GRIP1: variants seen among roughly 807,000 people sequenced by gnomAD.
GRIP1 encodes the protein glutamate receptor-interacting protein 1.
In GRIP1, 45 loss-of-function variants were observed where a neutral mutation model predicts 129.9. The observed-to-expected ratio is 0.35, with a 90% CI of 0.27 to 0.44. The LOEUF is 0.44. GRIP1 is among the 20% of genes least tolerant of loss of function. GRIP1 has a pLI of 1.00. For missense variants in GRIP1, 1,196 were observed against 1,396.8 expected (o/e 0.86, Z 2.29); for synonymous variants, 530 against 520.8 (o/e 1.02, Z -0.24).
rs1592481489 is a variant in GRIP1 at position 67,024,178 on chromosome 12, C to G, written c.58+44872G>C. Reference sequence around the variant, plus strand: ...ATGTTTTCCTTCCATCACTCATCACCCTCTTTTTCTTTACTTTCTATGACT... The same window carrying G: ...ATGTTTTCCTTCCATCACTCATCACGCTCTTTTTCTTTACTTTCTATGACT... On this transcript the variant is annotated intron_variant, in intron 1 of 1. Coordinates refer to the GRIP1 transcript ENST00000643019. Among the ~76,000 whole-genome samples, 3 of 152,114 alleles carry G rather than the reference C, an allele frequency of 2.0e-5. No individual in the cohort carries two copies. The East Asian group carries it at 5.8e-4, about 29-fold the overall frequency.
intron 1 of GRIP1, among the ~76,000 whole-genome samples, chr12:66,788,249 T>G (rs2038421004): frequency 6.6e-6 from 1 of 152,120 alleles, no homozygotes; most frequent in Admixed American, 6.6e-5. Context: ...CTTTTTTTTT[T>G]TTTTAAGCTA....
chr12:66,548,151 T>C (rs1246323445), intron 2 of GRIP1, among the ~76,000 whole-genome samples: 2 of 152,194 alleles, frequency 1.3e-5, no homozygotes, highest in African/African-American at 4.8e-5. Flanking sequence ...ACATGTGTTG[T>C]TCTTTTAGTT....
At chr12:66,416,247 T>C (rs1287278238) in intron 15 of GRIP1, among the ~76,000 whole-genome samples, 1 of 152,018 alleles carries the variant, frequency 6.6e-6, no homozygotes, top group Non-Finnish European at 1.5e-5. Context: ...GCCAATGAGA[T>C]ACAGCAAAAG....
chr12:66,791,302 C>T (rs879337559), intron 1 of GRIP1, among the ~76,000 whole-genome samples: 6 of 152,050 alleles, frequency 3.9e-5, no homozygotes, highest in Admixed American at 1.3e-4. Context: ...AGTGTGTTTC[C>T]GGATGGGAGG....
At chr12:67,021,392 A>C (rs1160670674) in intron 1 of GRIP1, among the ~76,000 whole-genome samples, 1 of 152,188 alleles carries the variant, frequency 6.6e-6, no homozygotes, top group Admixed American at 6.5e-5. Flanking sequence ...TGAGGAGGTC[A>C]ACCTTGTTTA....
rs970216704 is a variant in GRIP1, at chr12:66,987,350, T to G, written c.58+81700A>C. Among the ~76,000 whole-genome samples the G allele has an allele frequency of 3.3e-5, 5 of 152,276 alleles. No individual in the cohort carries two copies. The South Asian group carries it at 1.0e-3, about 32-fold the overall frequency. On this transcript the variant is annotated intron_variant, in intron 1 of 1. Coordinates refer to the GRIP1 transcript ENST00000643019. Reference sequence around the variant, plus strand: ...ATGATACTGATAGATGGCAATAATTTTGAGATAAAGTACAATGAGAGATGG... The same window carrying G: ...ATGATACTGATAGATGGCAATAATTGTGAGATAAAGTACAATGAGAGATGG...
chr12:66,830,067 T>C (rs2039489468), intron 1 of GRIP1, among the ~76,000 whole-genome samples: 1 of 152,146 alleles, frequency 6.6e-6, no homozygotes, highest in Admixed American at 6.6e-5. Flanking sequence ...GAAAATATAC[T>C]AGAACAATAA....
At chr12:66,430,819 G>A (rs1187893407) in intron 14 of GRIP1, among the ~76,000 whole-genome samples, 1 of 152,134 alleles carries the variant, frequency 6.6e-6, no homozygotes, top group Non-Finnish European at 1.5e-5. Context: ...AAGCTTCTGA[G>A]GAATAGATGA....
At chr12:66,551,317 T>C (rs1592534258) in intron 2 of GRIP1, among the ~76,000 whole-genome samples, 1 of 152,218 alleles carries the variant, frequency 6.6e-6, no homozygotes, top group African/African-American at 2.4e-5. Flanking sequence ...GTCCATAGCA[T>C]GGCCTGGGAG....
At chr12:67,046,423 G>T (rs2043255002) in intron 1 of GRIP1, among the ~76,000 whole-genome samples, 2 of 152,192 alleles carry the variant, frequency 1.3e-5, no homozygotes, top group East Asian at 3.9e-4. Flanking sequence ...TTCCCTAGCT[G>T]GGCTTTTTGC....
At position 66,443,018 on chromosome 12, in the gene GRIP1, G is replaced by A. The variant is rs1433791699; in HGVS notation, c.1687+1566C>T. On this transcript the variant is annotated intron_variant, in intron 13 of 24. Transcript: ENST00000359742. ...TTTGTTGGAATAATGTGATCCCTGAGTCCACAAGCATATCTTTACTAATTG... is the reference window on the plus strand; with the variant it reads ...TTTGTTGGAATAATGTGATCCCTGAATCCACAAGCATATCTTTACTAATTG... Among the ~76,000 whole-genome samples, 10 of 152,272 alleles carry A rather than the reference G, an allele frequency of 6.6e-5. No individual in the cohort carries two copies. In the East Asian group the frequency reaches 1.7e-3, roughly 26 times the overall value.
chr12:66,965,433 T>G (rs2137549557), intron 1 of GRIP1, among the ~76,000 whole-genome samples: 1 of 152,122 alleles, frequency 6.6e-6, no homozygotes, highest in Admixed American at 6.6e-5. Context: ...TTTTAAACCT[T>G]CAATATGGTA....
chr12:66,447,475 G>A (rs139777416), intron 11 of GRIP1, among the ~76,000 whole-genome samples: 2 of 152,274 alleles, frequency 1.3e-5, no homozygotes, highest in East Asian at 3.9e-4. Flanking sequence ...ATGGTCAAAT[G>A]TTACTCCTCA....
chr12:66,896,402 G>A (rs977641681), intron 1 of GRIP1, among the ~76,000 whole-genome samples: 8 of 144,234 alleles, frequency 5.5e-5, no homozygotes, highest in Middle Eastern at 3.7e-3. Context: ...GAAGCAGATG[G>A]CAAGGGAGAT....
At chr12:67,046,340 G>GA (rs2043253610) in intron 1 of GRIP1, among the ~76,000 whole-genome samples, 1 of 151,710 alleles carries the variant, frequency 6.6e-6, no homozygotes, top group South Asian at 2.1e-4. Context: ...AATCTCAAGT[G>GA]AAAAAAAAGG....
Position 66,347,767 on chromosome 12 carries a change from T to TTTA in GRIP1, c.*1251_*1252insTAA, listed in dbSNP as rs397745178. ...ACAAAAAGAAAGGTGATTTTTTTTT[T>TTTA]ATATTTCCTTAAACAAAGGACACAG... is the stretch of plus-strand genomic sequence containing the variant. On this transcript the variant is annotated 3_prime_UTR_variant, in exon 25 of 25. Transcript: ENST00000359742. The TTTA allele has an allele frequency of 6.7e-6, 1 of 149,548 alleles. No homozygotes were observed. The highest frequency in any genetic ancestry group is 2.5e-5 in the African/African-American group (1 of 40,656). The allele number at this position is 149,548 out of a possible 1,614,324, so 9.3% of individuals were successfully genotyped here.
At chr12:66,713,936 G>A (rs1332147128) in intron 1 of GRIP1, among the ~76,000 whole-genome samples, 1 of 151,902 alleles carries the variant, frequency 6.6e-6, no homozygotes, top group African/African-American at 2.4e-5. Flanking sequence ...ACAAAGTTGG[G>A]AATTTCTTTA....
intron 1 of GRIP1, among the ~76,000 whole-genome samples, chr12:66,841,222 T>C (rs2039710427): frequency 6.6e-6 from 1 of 152,276 alleles, no homozygotes; most frequent in African/African-American, 2.4e-5. Context: ...ATGTAGACCC[T>C]TCCCATGTGT....
At chr12:66,521,192 T>A (rs1592473609) in intron 5 of GRIP1, among the ~76,000 whole-genome samples, 1 of 152,204 alleles carries the variant, frequency 6.6e-6, no homozygotes, top group South Asian at 2.1e-4. Flanking sequence ...TAATTCCTTG[T>A]AGATCAAGGT....
Sources: allele counts gnomAD v4.1 joint callset (sites outside exome capture counted in the v4.1 genomes callset), GRCh38; gene constraint gnomAD v4.1.1; transcripts MANE v1.5; gene names NCBI Gene and HGNC (gene_info 2026-07-23, HGNC 2026-07-21).